The following EYS variants were observed in gnomAD, a reference collection of about 807,000 sequenced individuals.
EYS encodes the protein EGF-like photoreceptor maintenance factor, also known as protein eyes shut homolog.
A neutral mutation model predicts 282.1 loss-of-function variants in EYS; 250 were observed. That is an observed-to-expected ratio of 0.89 (90% confidence interval 0.80 to 0.98). The LOEUF (loss-of-function observed/expected upper bound fraction) is 0.98. Among genes scored for constraint, EYS ranks in the 50% least tolerant of loss-of-function variants. The probability of loss-of-function intolerance (pLI) is 0.00; values close to 1 mark genes in which losing one functional copy is unlikely to be tolerated. For missense variants in EYS, 4,016 were observed against 3,709.0 expected, an observed-to-expected ratio of 1.08 and a Z score of -2.15; for synonymous variants, 1,355 against 1,282.9, an observed-to-expected ratio of 1.06 and a Z score of -1.20.
At chr6:64,743,040 C>T (rs145736793) in intron 22 of EYS, among the ~76,000 whole-genome samples, 9 of 152,204 alleles carry the variant, frequency 5.9e-5, no homozygotes, top group African/African-American at 2.2e-4. Context: ...ACTTCTTTGT[C>T]TGAGGACAGA....
intron 36 of EYS, among the ~76,000 whole-genome samples, chr6:63,862,003 C>A (rs915668320): frequency 6.6e-6 from 1 of 152,168 alleles, no homozygotes; most frequent in Non-Finnish European, 1.5e-5. Flanking sequence ...TCCAAAAAGC[C>A]CAGCTTCTAT....
At chr6:64,124,971 G>T (rs577109801) in intron 31 of EYS, among the ~76,000 whole-genome samples, 1 of 152,108 alleles carries the variant, frequency 6.6e-6, no homozygotes, top group Non-Finnish European at 1.5e-5. Flanking sequence ...AGATAGTCCC[G>T]TATAAAAATT....
At chr6:64,848,380 T>G (rs1765780310) in intron 19 of EYS, among the ~76,000 whole-genome samples, 1 of 152,086 alleles carries the variant, frequency 6.6e-6, no homozygotes, top group Non-Finnish European at 1.5e-5. Context: ...AATTGCAGAA[T>G]AGGTAAACAG....
intron 35 of EYS, among the ~76,000 whole-genome samples, chr6:63,917,989 T>C (rs677250): frequency 1 from 151,922 of 152,346 alleles, 75,751 homozygotes; most frequent in Middle Eastern, 1. Flanking sequence ...CCTTGTTTTG[T>C]ATATTGTTCA....
intron 27 of EYS, among the ~76,000 whole-genome samples, chr6:64,438,379 AG>A (rs1433138015): frequency 6.6e-6 from 1 of 151,826 alleles, no homozygotes; most frequent in Non-Finnish European, 1.5e-5. Context: ...GATTAGAGCA[AG>A]GATATAATTG....
intron 11 of EYS, among the ~76,000 whole-genome samples, chr6:65,319,386 A>C (rs1354730798): frequency 6.6e-6 from 1 of 150,742 alleles, no homozygotes; most frequent in Non-Finnish European, 1.5e-5. Context: ...TCTCAAAAAA[A>C]ATAATATATA....
At chr6:63,912,801 C>G (rs1266228648) in intron 35 of EYS, among the ~76,000 whole-genome samples, 1 of 145,942 alleles carries the variant, frequency 6.9e-6, no homozygotes, top group Non-Finnish European at 1.5e-5. Context: ...CCGACTTGCT[C>G]CTACTCCCCC....
chr6:65,233,640 G>C (rs1010613147), intron 12 of EYS, among the ~76,000 whole-genome samples: 9 of 152,226 alleles, frequency 5.9e-5, no homozygotes, highest in African/African-American at 2.2e-4. Context: ...CTGCCAGCTT[G>C]GAGGTTCCTT....
At chr6:64,076,230 G>A (rs1771766500) in intron 32 of EYS, among the ~76,000 whole-genome samples, 1 of 151,850 alleles carries the variant, frequency 6.6e-6, no homozygotes, top group African/African-American at 2.4e-5. Context: ...TTATAACAAT[G>A]TTCAATGGGA....
intron 30 of EYS, among the ~76,000 whole-genome samples, chr6:64,288,274 T>G (rs1412610347): frequency 6.6e-6 from 1 of 152,134 alleles, no homozygotes; most frequent in African/African-American, 2.4e-5. Context: ...CTATTTTTAA[T>G]GCATATCATA....
Position 65,554,536 on chromosome 6 carries a change from C to T in EYS, c.-332-58543G>A, listed in dbSNP as rs533369819. On this transcript the variant is annotated intron_variant, in intron 2 of 42. Transcript: ENST00000503581. ...GTTCACTCTATTACAGTTTCCATAACTTTGTCATTGTATGCCATATTTGCC... is the reference window on the plus strand; with the variant it reads ...GTTCACTCTATTACAGTTTCCATAATTTTGTCATTGTATGCCATATTTGCC... 2.3e-3 allele frequency among the ~76,000 whole-genome samples: 355 copies of T among 152,204 alleles called. 1 individual carries two copies. Among genetic ancestry groups the T allele is most frequent in the Non-Finnish European group, 3.8e-3 (257 of 68,002 alleles).
intron 31 of EYS, among the ~76,000 whole-genome samples, chr6:64,200,279 A>G (rs975214626): frequency 1.3e-5 from 2 of 151,990 alleles, no homozygotes; most frequent in East Asian, 3.8e-4. Flanking sequence ...TACATTTGCC[A>G]AAAGCTACAG....
chr6:65,238,334 C>A (rs755565834), intron 12 of EYS, among the ~76,000 whole-genome samples: 1 of 151,238 alleles, frequency 6.6e-6, no homozygotes, highest in Admixed American at 6.6e-5. Context: ...CACTTTTTAT[C>A]CATTTTCAAT....
At chr6:64,873,385 A>C (rs751697717) in intron 19 of EYS, among the ~76,000 whole-genome samples, 3 of 152,088 alleles carry the variant, frequency 2.0e-5, no homozygotes, top group Non-Finnish European at 4.4e-5. Flanking sequence ...GGACACAGCC[A>C]AATCATATCA....
Position 65,420,259 on chromosome 6 carries a change from C to A in EYS, c.863-14892G>T, listed in dbSNP as rs575234411. The stretch of plus-strand genomic sequence containing the variant: ...AAACCCTGCACTTGGTTTTACCAAC[C>A]AAATTTATGTAATATTCTAAATCTT... On this transcript the variant is annotated intron_variant, in intron 5 of 42. Transcript: ENST00000503581. 1.8e-3 allele frequency among the ~76,000 whole-genome samples: 278 copies of A among 152,052 alleles called. 3 individuals carry two copies. Among genetic ancestry groups the A allele is most frequent in the African/African-American group, 6.6e-3 (275 of 41,544 alleles).
At chr6:64,264,828 T>C (rs1922949) in intron 30 of EYS, among the ~76,000 whole-genome samples, 106,237 of 151,912 alleles carry the variant, frequency 0.7, 37,183 homozygotes, top group African/African-American at 0.73. Flanking sequence ...CTCTTGAACC[T>C]CGGAAGCTGA....
intron 26 of EYS, among the ~76,000 whole-genome samples, chr6:64,481,874 T>C (rs1366758293): frequency 6.6e-6 from 1 of 151,722 alleles, no homozygotes; most frequent in Non-Finnish European, 1.5e-5. Flanking sequence ...CTGTTCTCTA[T>C]ATTTAAGGAT....
At chr6:64,303,319 TA>T (rs1769301036) in intron 30 of EYS, among the ~76,000 whole-genome samples, 2 of 152,222 alleles carry the variant, frequency 1.3e-5, no homozygotes, top group African/African-American at 4.8e-5. Flanking sequence ...ATGTTGCTAA[TA>T]ATACTCATGT....
intron 1 of EYS, among the ~76,000 whole-genome samples, chr6:65,647,712 T>C (rs1767500600): frequency 6.6e-6 from 1 of 152,150 alleles, no homozygotes; most frequent in African/African-American, 2.4e-5. Context: ...ACAAGATAAA[T>C]AATTAGCAGA....
Sources: allele counts gnomAD v4.1 joint callset (sites outside exome capture counted in the v4.1 genomes callset), GRCh38; gene constraint gnomAD v4.1.1; transcripts MANE v1.5; gene names NCBI Gene and HGNC (gene_info 2026-07-23, HGNC 2026-07-21).